Variants in AP1G1 observed in about 807,000 individuals in gnomAD.
AP1G1 encodes adaptor related protein complex 1 subunit gamma 1.
AP1G1 carries 7 observed loss-of-function variants against 108.3 expected under a neutral mutation model. That is an observed-to-expected ratio of 0.06 (90% confidence interval 0.04 to 0.12). The LOEUF is 0.12. Ranked by LOEUF, AP1G1 falls within the 10% of genes least tolerant of loss-of-function variation. The pLI is 1.00. For synonymous variants in AP1G1, 379 were observed against 353.5 expected (o/e 1.07, Z -0.81); for missense variants, 756 against 1,010.7 (o/e 0.75, Z 3.42).
intron 17 of AP1G1, 34 bp downstream of exon 17, chr16:71,746,554 G>C: frequency 1.5e-6 from 2 of 1,313,760 alleles, no homozygotes; most frequent in South Asian, 2.5e-5. Context: ...AGGATGCTAA[G>C]AGATACACGC....
At chr16:71,759,447 C>T (rs766922351) in intron 10 of AP1G1, among the ~76,000 whole-genome samples, 4 of 151,342 alleles carry the variant, frequency 2.6e-5, no homozygotes, top group Non-Finnish European at 4.4e-5. Context: ...GGTGACAGAG[C>T]GAGACTCTGT....
chr16:71,751,154 C>CAA (rs397697049), intron 13 of AP1G1: 40 of 83,086 alleles, frequency 4.8e-4, no homozygotes, highest in Non-Finnish European at 6.6e-4. Flanking sequence ...GACTCCGTCT[C>CAA]AAAAAAAAAA....
At chr16:71,804,944 G>A (rs1018977664) in intron 1 of AP1G1, among the ~76,000 whole-genome samples, 15 of 152,108 alleles carry the variant, frequency 9.9e-5, no homozygotes, top group Non-Finnish European at 2.1e-4. Context: ...GGAGGAGGTC[G>A]AGGCTGCAGT....
At chr16:71,764,555 AC>A in intron 8 of AP1G1, 90 bp downstream of exon 8, 1 of 1,266,368 alleles carries the variant, frequency 7.9e-7, no homozygotes, top group Non-Finnish European at 1.1e-6. Flanking sequence ...GAATGAGGAA[AC>A]ACAAATAAAA....
chr16:71,773,760 T>A (rs1017776685), intron 3 of AP1G1, among the ~76,000 whole-genome samples: 2 of 151,744 alleles, frequency 1.3e-5, no homozygotes, highest in Admixed American at 6.6e-5. Flanking sequence ...CTGGCCAACA[T>A]GGTGAAACCT....
chr16:71,738,792 C>G, intron 21 of AP1G1, 150 bp downstream of exon 21: 1 of 690,230 alleles, frequency 1.4e-6, no homozygotes, highest in African/African-American at 1.8e-5. Flanking sequence ...GATATGCTTC[C>G]ATGAACCATA....
intron 6 of AP1G1, among the ~76,000 whole-genome samples, chr16:71,768,903 GCA>G (rs2031437637): frequency 1.0e-5 from 1 of 95,434 alleles, no homozygotes; most frequent in Non-Finnish European, 1.9e-5. Context: ...GGGCGACAGA[GCA>G]AGACTCTGTC....
At position 71,746,747 on chromosome 16, in the gene AP1G1, G is replaced by A. The variant is rs1353197750; in HGVS notation, c.1626-55C>T. 4 of 1,364,894 alleles carry A rather than the reference G, an allele frequency of 2.9e-6. No individual in the cohort carries two copies. The Admixed American group carries it at 5.2e-5, about 18-fold the overall frequency. The allele number at this position is 1,364,894 out of a possible 1,614,324, so 84.5% of individuals were successfully genotyped here. The stretch of plus-strand genomic sequence containing the variant: ...TACCCAAAAGAAAATTCACAAATAA[G>A]CAGAGATAATGTTTAATAAGCCAGA... On this transcript the variant is annotated intron_variant, in intron 16 of 22. Coordinates refer to ENST00000299980, the MANE Select transcript of AP1G1 (RefSeq NM_001128.6).
chr16:71,748,188 G>A, intron 16 of AP1G1, 63 bp downstream of exon 16: 2 of 1,547,398 alleles, frequency 1.3e-6, no homozygotes, highest in South Asian at 1.2e-5. Context: ...CAAGTTTTTT[G>A]GGATTTTTTT....
intron 1 of AP1G1, among the ~76,000 whole-genome samples, chr16:71,800,359 A>C (rs1393773409): frequency 7.2e-6 from 1 of 138,724 alleles, no homozygotes; most frequent in African/African-American, 2.9e-5. Context: ...TGATAGAGCA[A>C]GACTCCCCAT....
In AP1G1 at chr16:71,739,222, C is replaced by G; in HGVS notation, c.2107+12G>C. 6.2e-7 allele frequency: 1 copy of G among 1,611,112 alleles called. No individual in the cohort carries two copies. Among genetic ancestry groups the G allele is most frequent in the Non-Finnish European group, 8.5e-7 (1 of 1,177,674 alleles). ...GTGCTCCATGTAATGATGGTAACAA[C>G]AGTCATCGTACCTGCAGCAATATCA... On this transcript the variant is annotated intron_variant, in intron 20 of 22. Transcript: ENST00000299980.
chr16:71,766,513 C>A, intron 6 of AP1G1: 2 of 442,070 alleles, frequency 4.5e-6, no homozygotes, highest in Non-Finnish European at 9.4e-6. Flanking sequence ...ATGTTTCCAA[C>A]TAAAAACTCA....
chr16:71,775,241 AGG>A (rs2031738094), intron 2 of AP1G1, among the ~76,000 whole-genome samples: 1 of 150,722 alleles, frequency 6.6e-6, no homozygotes, highest in African/African-American at 2.4e-5. Context: ...CATGTTGGCC[AGG>A]CTGGTCACGG....
intron 19 of AP1G1, among the ~76,000 whole-genome samples, chr16:71,741,558 G>A (rs2045622074): frequency 6.6e-6 from 1 of 152,154 alleles, no homozygotes; most frequent in Non-Finnish European, 1.5e-5. Context: ...ACTCCAGCCT[G>A]GGTGACAGAG....
rs1597068677 is a variant in AP1G1 at position 71,774,303 on chromosome 16, G to C, written c.326+165C>G. 8 of 657,824 alleles carry C rather than the reference G, an allele frequency of 1.2e-5. No homozygotes were observed. In the Admixed American group the frequency reaches 2.3e-4, roughly 19 times the overall value. 40.7% of individuals were successfully genotyped at this position (657,824 alleles called of 1,614,324 possible). On this transcript the variant is annotated intron_variant, in intron 3 of 22. Transcript: ENST00000299980. Reference sequence around the variant, plus strand: ...TGAGGCAGGAGAATCACTTCAACCAGACTGGCAGTTGGGGGAGGACGGTGG... The same window carrying C: ...TGAGGCAGGAGAATCACTTCAACCACACTGGCAGTTGGGGGAGGACGGTGG...
Position 71,771,192 on chromosome 16 carries a change from G to A in AP1G1, c.529C>T (p.Pro177Ser). The A allele has an allele frequency of 3.1e-6, 5 of 1,609,824 alleles. No homozygotes were observed. The highest frequency in any genetic ancestry group is 4.2e-6 in the Non-Finnish European group (5 of 1,178,370). ...TCATTCAATAAATTTTTTGTTGCTGGTAAAAACATCTCCATAAGTTCAGGA... is the reference window on the plus strand; with the variant it reads ...TCATTCAATAAATTTTTTGTTGCTGATAAAAACATCTCCATAAGTTCAGGA... ...KVPELMEMFL[P>S]ATKNLLNEKN... Residue 177 changes from proline to serine, a missense_variant, in exon 5 of 23, where the codon CCA becomes TCA. Physicochemically the swap from Pro to Ser is moderately conservative, Grantham distance 74. This residue lies in a region of AP1G1 where 304 missense variants were observed against 483.6 expected (regional missense o/e 0.63). Coordinates refer to ENST00000299980, the MANE Select transcript of AP1G1 (RefSeq NM_001128.6).
rs1204606460 is a variant in AP1G1 at position 71,732,728 on chromosome 16, C to T, written c.*330G>A. ...TTTTTTCGCCATGGATTGCAGTCCT[C>T]TCCTCCAGACCAGCTGCTTATTTCC... On this transcript the variant is annotated 3_prime_UTR_variant, in exon 23 of 23. Transcript: ENST00000299980. 1.8e-5 allele frequency: 4 copies of T among 226,204 alleles called. No homozygotes were observed. The highest frequency in any genetic ancestry group is 3.5e-5 in the Non-Finnish European group (4 of 114,976). 14.0% of individuals were successfully genotyped at this position (226,204 alleles called of 1,614,324 possible). A position where few individuals can be genotyped will look rare whatever the true frequency, so the allele number is the denominator to read the frequency against.
At chr16:71,743,231 C>G (rs1567641504) in intron 19 of AP1G1, 1 of 151,674 alleles carries the variant, frequency 6.6e-6, no homozygotes, top group African/African-American at 2.4e-5. Context: ...AAGTACATGA[C>G]AAGTAACATT....
At chr16:71,769,894 T>C (rs566332226) in intron 5 of AP1G1, among the ~76,000 whole-genome samples, 195 bp from the exon 6 acceptor site, 64 of 152,218 alleles carry the variant, frequency 4.2e-4, no homozygotes, top group Non-Finnish European at 7.8e-4. Context: ...CTGGCCAAGT[T>C]GGTAAAATCG....
Sources: allele counts gnomAD v4.1 joint callset (sites outside exome capture counted in the v4.1 genomes callset), GRCh38; gene constraint gnomAD v4.1.1; regional missense constraint gnomAD v4.1.1; transcripts MANE v1.5; gene names NCBI Gene and HGNC (gene_info 2026-07-23, HGNC 2026-07-21).